HDAC8: variants seen among roughly 807,000 people sequenced by gnomAD.
The protein encoded by HDAC8 is histone deacetylase-like 1.
A neutral mutation model predicts 32.2 loss-of-function variants in HDAC8; 1 was observed. The ratio of observed to expected loss-of-function variants is 0.03; its 90% CI spans 0.01 to 0.15. The LOEUF (loss-of-function observed/expected upper bound fraction) is 0.15, where lower values mean the gene tolerates loss of function less well. HDAC8 is among the 10% of genes least tolerant of loss of function. The probability of loss-of-function intolerance (pLI) is 1.00; values close to 1 mark genes in which losing one functional copy is unlikely to be tolerated. For synonymous variants in HDAC8, 108 were observed against 113.9 expected (o/e 0.95, Z 0.33); for missense variants, 117 against 300.0 (o/e 0.39, Z 4.51).
intron 9 of HDAC8, among the ~76,000 whole-genome samples, chrX:72,374,684 A>T (rs1256877865): frequency 1.8e-5 from 2 of 111,529 alleles, no homozygotes; most frequent in Non-Finnish European, 3.8e-5. Context: ...AAAAAAAAAA[A>T]ATGTATTCTG....
At chrX:72,337,941 C>T (rs1005023008) in intron 10 of HDAC8, among the ~76,000 whole-genome samples, 7 of 111,616 alleles carry the variant, frequency 6.3e-5, no homozygotes, top group Non-Finnish European at 5.6e-5. Flanking sequence ...ATGCTCTGTC[C>T]TGGCTATCCC....
At chrX:72,444,614 G>C (rs1346851635) in intron 9 of HDAC8, among the ~76,000 whole-genome samples, 1 of 94,255 alleles carries the variant, frequency 1.1e-5, no homozygotes, top group Non-Finnish European at 2.1e-5. Context: ...CATTCCCTTT[G>C]AAAACTGGCA....
intron 4 of HDAC8, among the ~76,000 whole-genome samples, chrX:72,527,375 T>C (rs1262720553): frequency 2.7e-5 from 3 of 111,901 alleles, no homozygotes; most frequent in African/African-American, 9.8e-5. Context: ...ACAGCCCAGT[T>C]GAGTTTAGTG....
At chrX:72,540,479 C>T (rs1276864104) in intron 4 of HDAC8, among the ~76,000 whole-genome samples, 2 of 109,949 alleles carry the variant, frequency 1.8e-5, no homozygotes, top group African/African-American at 6.6e-5. Flanking sequence ...TTTCATTAAG[C>T]GGAGAACATA....
At chrX:72,380,236 C>T (rs140564661) in intron 9 of HDAC8, among the ~76,000 whole-genome samples, 1,135 of 111,726 alleles carry the variant, frequency 0.01, 11 homozygotes, top group African/African-American at 0.035. Flanking sequence ...TACCTATTAC[C>T]ATAGGCAGCT....
intron 10 of HDAC8, among the ~76,000 whole-genome samples, chrX:72,332,070 C>G (rs1333479569): frequency 1.8e-5 from 2 of 112,358 alleles, no homozygotes; most frequent in Non-Finnish European, 3.8e-5. Flanking sequence ...TTTCACTCAG[C>G]ATACTGCTCT....
Position 72,353,183 on chromosome X carries a change from G to A in HDAC8, c.1006-1345C>T, listed in dbSNP as rs782682341. Among the ~76,000 whole-genome samples, 53 of 112,275 alleles carry A rather than the reference G, an allele frequency of 4.7e-4. 1 individual carries two copies. The highest frequency in any genetic ancestry group is 4.7e-4 in the Admixed American group (5 of 10,634). On this transcript the variant is annotated intron_variant, in intron 9 of 10. Coordinates refer to ENST00000373573, the MANE Select transcript of HDAC8 (RefSeq NM_018486.3). Reference sequence around the variant, plus strand: ...AGAGTCTGAATGTACATCTGGCACCGTGGGAGATGTTGTGGAACAATCTCT... The same window carrying A: ...AGAGTCTGAATGTACATCTGGCACCATGGGAGATGTTGTGGAACAATCTCT...
chrX:72,555,305 C>T (rs1361218957), intron 4 of HDAC8, among the ~76,000 whole-genome samples: 4 of 111,873 alleles, frequency 3.6e-5, no homozygotes, highest in Non-Finnish European at 5.6e-5. Flanking sequence ...TGAGAAGGAA[C>T]CAGAAACAGA....
At chrX:72,541,154 CT>C (rs34624149) in intron 4 of HDAC8, among the ~76,000 whole-genome samples, 6,314 of 98,219 alleles carry the variant, frequency 0.064, 491 homozygotes, top group African/African-American at 0.21. Context: ...TGACAGGAGG[CT>C]TTTTTTTTTT....
Position 72,329,682 on chromosome X carries a change from C to G in HDAC8, c.*372G>C. The G allele has an allele frequency of 8.4e-7, 1 of 1,189,685 alleles. No individual in the cohort carries two copies. ...TGCCTGTCAGCTGCCTCCTGCCCTA[C>G]AAACTGGTGACTGCTCTCATCCAGC... On this transcript the variant is annotated 3_prime_UTR_variant, in exon 11 of 11. Coordinates refer to ENST00000373573, the MANE Select transcript of HDAC8 (RefSeq NM_018486.3).
chrX:72,547,897 T>C (rs2147484251), intron 4 of HDAC8, among the ~76,000 whole-genome samples: 1 of 111,734 alleles, frequency 8.9e-6, no homozygotes, highest in East Asian at 2.8e-4. Flanking sequence ...ACCTGAGTTA[T>C]CTTCCTCATC....
At chrX:72,559,727 A>G (rs2051450892) in intron 4 of HDAC8, among the ~76,000 whole-genome samples, 1 of 98,796 alleles carries the variant, frequency 1.0e-5, no homozygotes, top group Non-Finnish European at 2.0e-5. Flanking sequence ...CCGGGACCCC[A>G]TCTGGGAGGT....
intron 10 of HDAC8, among the ~76,000 whole-genome samples, chrX:72,344,212 C>CTT (rs1291300746): frequency 1.8e-5 from 2 of 108,612 alleles, no homozygotes; most frequent in Non-Finnish European, 3.8e-5. Flanking sequence ...GCATGTATTA[C>CTT]TTTTTTTTTT....
At chrX:72,563,339 C>G (rs1556125747) in intron 4 of HDAC8, among the ~76,000 whole-genome samples, 1 of 110,754 alleles carries the variant, frequency 9.0e-6, no homozygotes, top group Non-Finnish European at 1.9e-5. Context: ...TTGCTTGAGC[C>G]CAGGAGTTAG....
At chrX:72,485,289 T>C (rs1556005198) in intron 7 of HDAC8, among the ~76,000 whole-genome samples, 1 of 111,888 alleles carries the variant, frequency 8.9e-6, no homozygotes, top group Non-Finnish European at 1.9e-5. Flanking sequence ...TGGGAATTAG[T>C]GGCCCTTGCC....
At chrX:72,536,591 A>C (rs1385410445) in intron 4 of HDAC8, among the ~76,000 whole-genome samples, 11 of 112,241 alleles carry the variant, frequency 9.8e-5, no homozygotes, top group Non-Finnish European at 1.9e-4. Context: ...ATGCACACAA[A>C]ATACATGCAC....
In HDAC8 at chrX:72,456,723, C is replaced by G. The variant is rs146346782; in HGVS notation, c.1005+5281G>C. Among the ~76,000 whole-genome samples the G allele has an allele frequency of 9.9e-3, 1,097 of 110,926 alleles. 9 individuals are homozygous for G. The highest frequency in any genetic ancestry group is 0.027 in the African/African-American group (836 of 30,533). On this transcript the variant is annotated intron_variant, in intron 9 of 10. Coordinates refer to ENST00000373573, the MANE Select transcript of HDAC8 (RefSeq NM_018486.3). ...CTGAGGCAGGAAAATCGCGTGAACC[C>G]GAGAGGCGGAGGTTGCAGTGAGCCA...
At chrX:72,539,742 C>T (rs1439948570) in intron 4 of HDAC8, among the ~76,000 whole-genome samples, 1 of 111,443 alleles carries the variant, frequency 9.0e-6, no homozygotes, top group Non-Finnish European at 1.9e-5. Flanking sequence ...CTCCGCACCC[C>T]CAACAATAAC....
intron 9 of HDAC8, among the ~76,000 whole-genome samples, chrX:72,365,545 C>G (rs1303958298): frequency 9.0e-6 from 1 of 111,145 alleles, no homozygotes; most frequent in African/African-American, 3.3e-5. Context: ...GGCAATTGAA[C>G]TGGCCTTGAA....
Sources: gnomAD v4.1 joint callset for allele counts (sites outside exome capture counted in the v4.1 genomes callset) on GRCh38, gnomAD v4.1.1 for gene constraint, MANE v1.5 for transcripts, NCBI Gene and HGNC (gene_info 2026-07-23, HGNC 2026-07-21) for gene names.